DPP6: variants seen among roughly 807,000 people sequenced by gnomAD.
DPP6 encodes the protein dipeptidyl peptidase like 6, also known as A-type potassium channel modulatory protein DPP6.
Under a neutral mutation model 122.6 loss-of-function variants are expected in DPP6, and 69 were observed. That is an observed-to-expected ratio of 0.56 (90% CI 0.46 to 0.69). DPP6 has a LOEUF of 0.69. Ranked by LOEUF, DPP6 falls within the 30% of genes least tolerant of loss-of-function variation. The pLI, the probability that DPP6 is intolerant of heterozygous loss-of-function variation, is 0.00. For missense variants in DPP6, 928 were observed against 1,116.9 expected (o/e 0.83, Z 2.41); for synonymous variants, 418 against 433.1 (o/e 0.97, Z 0.43).
the DPP6 span, among the ~76,000 whole-genome samples, chr7:153,874,468 C>A: frequency 1.3e-3 from 194 of 152,216 alleles, 3 homozygotes; most frequent in African/African-American, 4.1e-3. Context: ...CTCCACCTGC[C>A]GGGTTCAAGC....
chr7:154,716,632 T>G (rs1217231995), intron 7 of DPP6, among the ~76,000 whole-genome samples: 2 of 152,104 alleles, frequency 1.3e-5, no homozygotes, highest in African/African-American at 4.8e-5. Flanking sequence ...TCAACAAATG[T>G]CAGGTAAACA....
chr7:154,752,995 T>C (rs1843472415), intron 8 of DPP6, among the ~76,000 whole-genome samples: 1 of 151,968 alleles, frequency 6.6e-6, no homozygotes, highest in Non-Finnish European at 1.5e-5. Context: ...CCTGCTGGGG[T>C]TGTGTTTCTT....
chr7:154,098,404 G>C (rs1805488410), intron 1 of DPP6, among the ~76,000 whole-genome samples: 1 of 152,170 alleles, frequency 6.6e-6, no homozygotes, highest in Non-Finnish European at 1.5e-5. Context: ...AGCTGTGTGA[G>C]AATGGACTAA....
intron 1 of DPP6, among the ~76,000 whole-genome samples, chr7:154,044,413 C>G (rs1799916381): frequency 1.3e-5 from 2 of 152,028 alleles, no homozygotes; most frequent in Admixed American, 6.6e-5. Context: ...TAATGAGAAC[C>G]CACATGTATG....
chr7:153,875,108 A>G, the DPP6 span, among the ~76,000 whole-genome samples: 1 of 152,334 alleles, frequency 6.6e-6, no homozygotes, highest in Admixed American at 6.5e-5. Context: ...GAGGAAGTCT[A>G]AAAAGCAGTC....
intron 5 of DPP6, among the ~76,000 whole-genome samples, chr7:154,620,784 A>T (rs780419252): frequency 7.9e-5 from 12 of 152,178 alleles, no homozygotes; most frequent in Non-Finnish European, 1.8e-4. Flanking sequence ...TACATACAGG[A>T]TTGAAACAAA....
At chr7:154,803,014 G>T (rs1798467556) in intron 13 of DPP6, among the ~76,000 whole-genome samples, 1 of 152,080 alleles carries the variant, frequency 6.6e-6, no homozygotes, top group Non-Finnish European at 1.5e-5. Flanking sequence ...AACCCCTCGG[G>T]GGGCCCCCAG....
intron 10 of DPP6, among the ~76,000 whole-genome samples, chr7:154,778,464 G>A (rs1278397391): frequency 4.6e-5 from 7 of 151,808 alleles, no homozygotes; most frequent in Admixed American, 4.6e-4. Context: ...TACAAAACAT[G>A]GTATGTGCAC....
intron 1 of DPP6, among the ~76,000 whole-genome samples, chr7:154,313,691 A>G (rs199523747): frequency 0.31 from 6,863 of 22,160 alleles, 1,627 homozygotes; most frequent in East Asian, 0.54. Flanking sequence ...TATGGTATAT[A>G]TATATATATA....
the DPP6 span, among the ~76,000 whole-genome samples, chr7:153,820,337 T>C: frequency 6.6e-6 from 1 of 152,346 alleles, no homozygotes; most frequent in South Asian, 2.1e-4. Flanking sequence ...CTATAGCAAA[T>C]AAACCCTGTA....
chr7:154,874,054 T>C (rs200611240), intron 19 of DPP6, among the ~76,000 whole-genome samples: 2 of 115,552 alleles, frequency 1.7e-5, no homozygotes, highest in Middle Eastern at 4.9e-3. Flanking sequence ...ATGCAGCACA[T>C]ATGCACATGT....
chr7:154,839,941 G>A (rs1299727609), intron 16 of DPP6, among the ~76,000 whole-genome samples: 2 of 152,152 alleles, frequency 1.3e-5, no homozygotes, highest in African/African-American at 2.4e-5. Context: ...GCAGGAGAGT[G>A]GGGGACAGCG....
intron 7 of DPP6, among the ~76,000 whole-genome samples, chr7:154,675,043 G>A (rs941686045): frequency 6.6e-6 from 1 of 152,168 alleles, no homozygotes; most frequent in Non-Finnish European, 1.5e-5. Flanking sequence ...TTAGATCCTG[G>A]AATAGTTTTC....
At chr7:154,667,173 C>CT (rs34461621) in intron 6 of DPP6, among the ~76,000 whole-genome samples, 3,654 of 147,750 alleles carry the variant, frequency 0.025, 143 homozygotes, top group African/African-American at 0.084. Context: ...ATATTTTTAT[C>CT]TTTTTTTTTT....
At chr7:154,191,246 G>A (rs1030839875) in intron 1 of DPP6, among the ~76,000 whole-genome samples, 3 of 152,280 alleles carry the variant, frequency 2.0e-5, no homozygotes, top group East Asian at 1.9e-4. Flanking sequence ...ATTTATAAAC[G>A]ATTACATGGT....
intron 1 of DPP6, among the ~76,000 whole-genome samples, chr7:154,277,273 G>T (rs1413101249): frequency 6.6e-6 from 1 of 152,078 alleles, no homozygotes; most frequent in African/African-American, 2.4e-5. Flanking sequence ...TTGCATCCAT[G>T]AATAATAAGG....
chr7:154,734,462 C>T (rs1469231986), intron 8 of DPP6, among the ~76,000 whole-genome samples: 1 of 152,240 alleles, frequency 6.6e-6, no homozygotes, highest in Non-Finnish European at 1.5e-5. Context: ...TGGATTTTTA[C>T]ACCCGTCATA....
At chr7:154,339,059 T>A (rs1210949732) in intron 1 of DPP6, among the ~76,000 whole-genome samples, 1 of 152,216 alleles carries the variant, frequency 6.6e-6, no homozygotes, top group Non-Finnish European at 1.5e-5. Flanking sequence ...CAGGCCAGAT[T>A]ATTTGTTTCC....
At chr7:154,029,708 T>A (rs1300463633) in intron 1 of DPP6, among the ~76,000 whole-genome samples, 2 of 127,870 alleles carry the variant, frequency 1.6e-5, no homozygotes. Context: ...TAGTTGGGCA[T>A]GGTGGCGGGC....
Sources: allele counts gnomAD v4.1 joint callset (sites outside exome capture counted in the v4.1 genomes callset), GRCh38; gene constraint gnomAD v4.1.1; transcripts MANE v1.5; gene names NCBI Gene and HGNC (gene_info 2026-07-23, HGNC 2026-07-21).